SLC10A7: variants seen among roughly 807,000 people sequenced by gnomAD.
SLC10A7 encodes sodium/bile acid cotransporter 7.
A neutral mutation model predicts 43.2 loss-of-function variants in SLC10A7; 29 were observed. The ratio of observed to expected loss-of-function variants is 0.67; its 90% CI spans 0.50 to 0.92. SLC10A7 has a LOEUF of 0.92. SLC10A7 is among the 40% of genes least tolerant of loss of function. The pLI, the probability that SLC10A7 is intolerant of heterozygous loss-of-function variation, is 0.00. For synonymous variants in SLC10A7, 152 were observed against 144.8 expected, an observed-to-expected ratio of 1.05 and a Z score of -0.35; for missense variants, 295 against 403.2, an observed-to-expected ratio of 0.73 and a Z score of 2.30.
At chr4:146,446,807 T>C (rs965984790) in intron 4 of SLC10A7, among the ~76,000 whole-genome samples, 1 of 151,932 alleles carries the variant, frequency 6.6e-6, no homozygotes, top group Non-Finnish European at 1.5e-5. Context: ...TATCTATCTA[T>C]AGTGAAACAA....
At chr4:146,428,496 G>A (rs1349026195) in intron 5 of SLC10A7, among the ~76,000 whole-genome samples, 1 of 151,522 alleles carries the variant, frequency 6.6e-6, no homozygotes, top group Non-Finnish European at 1.5e-5. Flanking sequence ...TGCATCTGCT[G>A]TCATATGATA....
intron 4 of SLC10A7, 105 bp downstream of exon 4, chr4:146,503,744 G>C: frequency 1.0e-6 from 1 of 969,308 alleles, no homozygotes; most frequent in Non-Finnish European, 1.6e-6. Context: ...GCTATGGCTA[G>C]GAGTTTTCTG....
chr4:146,305,465 C>A (rs1178098412), intron 7 of SLC10A7, among the ~76,000 whole-genome samples: 1 of 150,132 alleles, frequency 6.7e-6, no homozygotes, highest in Non-Finnish European at 1.5e-5. Flanking sequence ...GGGAGATATA[C>A]CTAATGCTAG....
chr4:146,365,826 G>C (rs1736351354), intron 5 of SLC10A7, among the ~76,000 whole-genome samples: 1 of 152,200 alleles, frequency 6.6e-6, no homozygotes, highest in Admixed American at 6.5e-5. Flanking sequence ...TTCAGCAGGG[G>C]TCCCCAAGCC....
At position 146,442,231 on chromosome 4, in the gene SLC10A7, G is replaced by A. The variant is rs534325799; in HGVS notation, c.435+552C>T. On this transcript the variant is annotated intron_variant, in intron 5 of 11. Coordinates refer to ENST00000335472, the MANE Select transcript of SLC10A7 (RefSeq NM_001029998.6). ...TACTTATGAAAGCTGAACTACTTTTGAATCTTTATATATATATATATATAG... is the reference window on the plus strand; with the variant it reads ...TACTTATGAAAGCTGAACTACTTTTAAATCTTTATATATATATATATATAG... 62 of 903,250 alleles carry A rather than the reference G, an allele frequency of 6.9e-5. No individual in the cohort carries two copies. The African/African-American group carries it at 1.4e-3, about 21-fold the overall frequency. The allele number at this position is 903,250 out of a possible 1,614,324, so 56.0% of individuals were successfully genotyped here.
rs80252063 is a variant in SLC10A7, at chr4:146,299,450, T to G, written c.556-5355A>C. On this transcript the variant is annotated intron_variant, in intron 7 of 11. Transcript: ENST00000335472. ...ATAATGATACATACTAAGCTGAAGT[T>G]TAAACTAAATGATATGATAGTGACT... Among the ~76,000 whole-genome samples, 1,145 of 152,284 alleles carry G rather than the reference T, an allele frequency of 7.5e-3. 15 individuals carry two copies. The highest frequency in any genetic ancestry group is 0.026 in the African/African-American group (1,087 of 41,552).
intron 3 of SLC10A7, among the ~76,000 whole-genome samples, chr4:146,509,373 T>C (rs1258247979): frequency 6.6e-6 from 1 of 152,202 alleles, no homozygotes; most frequent in Non-Finnish European, 1.5e-5. Context: ...TATCCTCCTT[T>C]TCTAGACAGG....
At chr4:146,308,706 A>G (rs546822384) in intron 6 of SLC10A7, among the ~76,000 whole-genome samples, 53 of 152,222 alleles carry the variant, frequency 3.5e-4, no homozygotes, top group African/African-American at 1.2e-3. Context: ...TTTAGAAGTA[A>G]TATGTCTCAT....
rs982955867 is a variant in SLC10A7, at chr4:146,290,255, C to T, written c.773+2674G>A. On this transcript the variant is annotated intron_variant, in intron 9 of 11. Coordinates refer to ENST00000335472, the MANE Select transcript of SLC10A7 (RefSeq NM_001029998.6). ...AGGAGAATGGCATGAACCCAGGAGG[C>T]GGAGCTTGCAGTGAACCGAGATTGT... is the stretch of plus-strand genomic sequence containing the variant. Among the ~76,000 whole-genome samples, 8 of 138,688 alleles carry T rather than the reference C, an allele frequency of 5.8e-5. No homozygotes were observed. In the South Asian group the frequency reaches 1.5e-3, roughly 25 times the overall value. 91.0% of individuals were successfully genotyped at this position (138,688 alleles called of 152,430 possible).
At chr4:146,325,886 G>C in intron 6 of SLC10A7, 75 bp downstream of exon 6, 3 of 1,318,186 alleles carry the variant, frequency 2.3e-6, no homozygotes, top group Admixed American at 4.0e-5. Context: ...TTTCATTTTT[G>C]TTCTAATGAC....
intron 10 of SLC10A7, among the ~76,000 whole-genome samples, chr4:146,270,902 C>A (rs1048848929): frequency 2.0e-5 from 3 of 152,218 alleles, no homozygotes. Flanking sequence ...CCAGACTCTT[C>A]TTCTAATACT....
At chr4:146,325,906 AG>A (rs1733068982) in intron 6 of SLC10A7, 54 bp downstream of exon 6, 8 of 1,478,128 alleles carry the variant, frequency 5.4e-6, no homozygotes, top group Middle Eastern at 1.8e-4. Context: ...CCTTTCTTAA[AG>A]GGTTGTAGAT....
chr4:146,372,855 T>G (rs567334898), intron 5 of SLC10A7, among the ~76,000 whole-genome samples: 1 of 152,304 alleles, frequency 6.6e-6, no homozygotes, highest in African/African-American at 2.4e-5. Context: ...TTATTCTCAG[T>G]TACATTTAGC....
At chr4:146,371,271 T>C (rs1736757190) in intron 5 of SLC10A7, among the ~76,000 whole-genome samples, 4 of 152,218 alleles carry the variant, frequency 2.6e-5, no homozygotes, top group Admixed American at 2.6e-4. Context: ...TACTTCATTT[T>C]ACTTGCATTA....
chr4:146,436,085 G>T (rs1730188243), intron 5 of SLC10A7, among the ~76,000 whole-genome samples: 1 of 151,822 alleles, frequency 6.6e-6, no homozygotes, highest in South Asian at 2.1e-4. Flanking sequence ...AAAAAAAGTT[G>T]CTTCAGCCTC....
At chr4:146,257,363 T>C (rs944251305) in intron 11 of SLC10A7, among the ~76,000 whole-genome samples, 1 of 152,198 alleles carries the variant, frequency 6.6e-6, no homozygotes, top group African/African-American at 2.4e-5. Context: ...AGTGAACATG[T>C]TGGATGGGCT....
intron 7 of SLC10A7, among the ~76,000 whole-genome samples, chr4:146,296,889 T>C (rs1319219586): frequency 6.6e-6 from 1 of 152,202 alleles, no homozygotes; most frequent in Non-Finnish European, 1.5e-5. Context: ...TTTAGCCACT[T>C]ACACTTTTGA....
rs1003359022 is a variant in SLC10A7 at position 146,378,024 on chromosome 4, C to T, written c.436-52028G>A. Among the ~76,000 whole-genome samples, 6 of 152,312 alleles carry T rather than the reference C, an allele frequency of 3.9e-5. No individual in the cohort carries two copies. In the South Asian group the frequency reaches 1.2e-3, roughly 32 times the overall value. ...CCAAAATTCTTGTTCACTGGCACTA[C>T]TCATGCTGTCTCTATTCTTAGAGCA... On this transcript the variant is annotated intron_variant, in intron 5 of 11. Coordinates refer to ENST00000335472, the MANE Select transcript of SLC10A7 (RefSeq NM_001029998.6).
chr4:146,394,704 A>G (rs992529029), intron 5 of SLC10A7, among the ~76,000 whole-genome samples: 45 of 152,132 alleles, frequency 3.0e-4, no homozygotes, highest in African/African-American at 1.1e-3. Context: ...TGATTTAGGG[A>G]GCAAACAGAG....
Sources: gnomAD v4.1 joint callset for allele counts (sites outside exome capture counted in the v4.1 genomes callset) on GRCh38, gnomAD v4.1.1 for gene constraint, MANE v1.5 for transcripts, NCBI Gene and HGNC (gene_info 2026-07-23, HGNC 2026-07-21) for gene names.